The following TP53BP1 variants were observed in gnomAD, a reference collection of about 807,000 sequenced individuals.
TP53BP1 encodes TP53-binding protein 1.
A neutral mutation model predicts 200.8 loss-of-function variants in TP53BP1; 61 were observed. The ratio of observed to expected loss-of-function variants is 0.30; its 90% CI spans 0.25 to 0.38. The LOEUF (loss-of-function observed/expected upper bound fraction) is 0.38, where lower values mean the gene tolerates loss of function less well. TP53BP1 is among the 10% of genes least tolerant of loss of function. The probability of loss-of-function intolerance (pLI) is 1.00; values close to 1 mark genes in which losing one functional copy is unlikely to be tolerated. For synonymous variants in TP53BP1, 822 were observed against 844.3 expected (o/e 0.97, Z 0.46); for missense variants, 2,144 against 2,371.9 (o/e 0.90, Z 2.00).
At chr15:43,504,489 G>C (rs1428643889) in intron 1 of TP53BP1, among the ~76,000 whole-genome samples, 1 of 152,156 alleles carries the variant, frequency 6.6e-6, no homozygotes, top group East Asian at 1.9e-4. Context: ...TCACATAGTT[G>C]GTAAGTAAGA....
At chr15:43,477,092 A>C (rs1228830167) in intron 8 of TP53BP1, among the ~76,000 whole-genome samples, 1 of 152,156 alleles carries the variant, frequency 6.6e-6, no homozygotes, top group Non-Finnish European at 1.5e-5. Flanking sequence ...CAAGGTCAGG[A>C]GATCAAGACC....
intron 10 of TP53BP1, among the ~76,000 whole-genome samples, chr15:43,472,535 C>T (rs1160039393): frequency 1.3e-5 from 2 of 152,056 alleles, no homozygotes; most frequent in Admixed American, 6.6e-5. Flanking sequence ...ATCTCTAAGT[C>T]GTCAAAGGAG....
rs141911975 is a variant in TP53BP1, at chr15:43,479,250, C to T, written c.788+147G>A. The T allele has an allele frequency of 2.9e-4, 218 of 760,070 alleles. 4 individuals are homozygous for T. In the South Asian group the frequency reaches 3.3e-3, roughly 12 times the overall value. The allele number at this position is 760,070 out of a possible 1,614,324, so 47.1% of individuals were successfully genotyped here. A position where few individuals can be genotyped will look rare whatever the true frequency, so the allele number is the denominator to read the frequency against. Reference sequence around the variant, plus strand: ...TTCTTGAGACTTCATAAATAATCAACGTTTCCAATGGACCACAAGTATGCC... The same window carrying T: ...TTCTTGAGACTTCATAAATAATCAATGTTTCCAATGGACCACAAGTATGCC... On this transcript the variant is annotated intron_variant, in intron 7 of 27. Transcript: ENST00000382044.
In TP53BP1 at chr15:43,407,373, C is replaced by G; in HGVS notation, c.*10G>C. 1 of 1,613,046 alleles carries G rather than the reference C, an allele frequency of 6.2e-7. No individual in the cohort carries two copies. The highest frequency in any genetic ancestry group is 2.2e-5 in the East Asian group (1 of 44,868). On this transcript the variant is annotated 3_prime_UTR_variant, in exon 28 of 28. Transcript: ENST00000382044. ...ATAGCAGGGAATAAAACCAGTAAGA[C>G]CAAGTATCTTTAGTGAGAAACATAA...
At chr15:43,415,925 T>A (rs1376468559) in intron 22 of TP53BP1, 116 bp from the exon 23 acceptor site, 5 of 881,806 alleles carry the variant, frequency 5.7e-6, no homozygotes, top group South Asian at 1.7e-5. Context: ...CCACTTCCCA[T>A]GAGGCCAAGA....
chr15:43,487,349 C>G (rs900575622), intron 4 of TP53BP1, among the ~76,000 whole-genome samples: 1 of 152,026 alleles, frequency 6.6e-6, no homozygotes, highest in African/African-American at 2.4e-5. Context: ...TTAGATCACT[C>G]ATACATTGCT....
chr15:43,477,681 A>C lies in TP53BP1; in HGVS notation c.867T>G (p.Leu289=). 1 of 1,613,814 alleles carries C rather than the reference A, an allele frequency of 6.2e-7. No homozygotes were observed. The highest frequency in any genetic ancestry group is 8.5e-7 in the Non-Finnish European group (1 of 1,179,858). Residue 289 remains leucine (L), a synonymous_variant, in exon 8 of 28, where the codon CTT becomes CTG. Coordinates refer to ENST00000382044, the MANE Select transcript of TP53BP1 (RefSeq NM_001141980.3). ...EAKEQLSAQE[L]MESGLQIQKS... ...TCTGAATCTGCAGTCCACTTTCCATAAGTTCTTGTGCAGACAACTGTTCTT... is the reference window on the plus strand; with the variant it reads ...TCTGAATCTGCAGTCCACTTTCCATCAGTTCTTGTGCAGACAACTGTTCTT...
At position 43,406,900 on chromosome 15, in the gene TP53BP1, C is replaced by G. The variant is rs577478015; in HGVS notation, c.*483G>C. On this transcript the variant is annotated 3_prime_UTR_variant, in exon 28 of 28. Transcript: ENST00000382044. Reference sequence around the variant, plus strand: ...CCACAGGTGAGCTGTGATCTCAGCTCAGAGAGAGAGCATGAGGTCTTTTTT... The same window carrying G: ...CCACAGGTGAGCTGTGATCTCAGCTGAGAGAGAGAGCATGAGGTCTTTTTT... 2.7e-5 allele frequency: 7 copies of G among 259,208 alleles called. No homozygotes were observed. Among genetic ancestry groups the G allele is most frequent in the Admixed American group, 4.9e-5 (1 of 20,458 alleles). The allele number at this position is 259,208 out of a possible 1,614,324, so 16.1% of individuals were successfully genotyped here.
At chr15:43,438,562 T>C (rs1453179828) in intron 15 of TP53BP1, 146 bp from the exon 16 acceptor site, 6 of 598,462 alleles carry the variant, frequency 1.0e-5, no homozygotes, top group Non-Finnish European at 1.4e-5. Flanking sequence ...AAATTCTCCA[T>C]ACTTGTTTTG....
rs2046579259 is a variant in TP53BP1 at position 43,466,287 on chromosome 15, CA to C, written c.1389+3570del. On this transcript the variant is annotated intron_variant, in intron 11 of 27. Transcript: ENST00000382044. ...CAGGAGGGTCCAAAAGAGGTTTCTC[CA>C]AAAAGATGAAACAGAAAGTCTAAGG... 1.2e-4 allele frequency among the ~76,000 whole-genome samples: 18 copies of C among 152,118 alleles called. No homozygotes were observed. In the South Asian group the frequency reaches 3.7e-3, roughly 32 times the overall value.
intron 7 of TP53BP1, 25 bp downstream of exon 7, chr15:43,479,372 A>G (rs549832790): frequency 1.3e-6 from 2 of 1,577,840 alleles, no homozygotes; most frequent in East Asian, 4.5e-5. Context: ...AAACTCGTAA[A>G]TCCTTTTTAG....
rs542014806 is a variant in TP53BP1, at chr15:43,479,249, A to G, written c.788+148T>C. On this transcript the variant is annotated intron_variant, in intron 7 of 27. Transcript: ENST00000382044. Reference sequence around the variant, plus strand: ...ATTCTTGAGACTTCATAAATAATCAACGTTTCCAATGGACCACAAGTATGC... The same window carrying G: ...ATTCTTGAGACTTCATAAATAATCAGCGTTTCCAATGGACCACAAGTATGC... The G allele has an allele frequency of 1.7e-5, 13 of 754,282 alleles. No individual in the cohort carries two copies. The Admixed American group carries it at 1.8e-4, about 11-fold the overall frequency. 46.7% of individuals were successfully genotyped at this position (754,282 alleles called of 1,614,324 possible). A position where few individuals can be genotyped will look rare whatever the true frequency, so the allele number is the denominator to read the frequency against.
intron 4 of TP53BP1, among the ~76,000 whole-genome samples, chr15:43,481,353 C>CT (rs1311196119): frequency 2.0e-5 from 3 of 151,558 alleles, no homozygotes; most frequent in African/African-American, 7.3e-5. Flanking sequence ...GCTCAAAAAA[C>CT]TTTTTAAAAG....
intron 8 of TP53BP1, among the ~76,000 whole-genome samples, chr15:43,476,514 A>C (rs2078884656): frequency 6.6e-6 from 1 of 152,240 alleles, no homozygotes; most frequent in African/African-American, 2.4e-5. Flanking sequence ...AGGATTTATG[A>C]GCAGCCATTA....
rs2045046395 is a variant in TP53BP1 at position 43,409,661 on chromosome 15, A to C, written c.5386T>G (p.Phe1796Val). The part of the protein sequence containing the change: ...RAGAGYILED[F>V]NEAQCNTAYQ... Reference sequence around the variant, plus strand: ...AAACTCCTCACCTGGGCTTCATTGAAATCTTCAAGGATATAGCCAGCTCCT... The same window carrying C: ...AAACTCCTCACCTGGGCTTCATTGACATCTTCAAGGATATAGCCAGCTCCT... Residue 1796 changes from phenylalanine (F) to valine (V), a missense_variant, in exon 25 of 28, where the codon TTC becomes GTC. Transcript: ENST00000382044. 6.4e-7 allele frequency: 1 copy of C among 1,550,412 alleles called. No individual in the cohort carries two copies. The highest frequency in any genetic ancestry group is 8.7e-7 in the Non-Finnish European group (1 of 1,150,016).
chr15:43,473,404 C>T (rs2046775333), intron 10 of TP53BP1, among the ~76,000 whole-genome samples: 2 of 152,120 alleles, frequency 1.3e-5, no homozygotes, highest in Non-Finnish European at 2.9e-5. Flanking sequence ...AAAGGTTCTC[C>T]ACGTCCCCAC....
chr15:43,442,813 TTC>T (rs1166337949), intron 14 of TP53BP1, among the ~76,000 whole-genome samples: 1 of 141,214 alleles, frequency 7.1e-6, no homozygotes, highest in African/African-American at 2.8e-5. Context: ...AGCAGTAATA[TTC>T]TTTTTTTTTT....
At chr15:43,497,536 G>T, upstream of TP53BP1, 3 of 750,092 alleles carry the variant, frequency 4.0e-6, no homozygotes, top group Non-Finnish European at 4.9e-6. Context: ...CTGGAAGCCA[G>T]TACTATAGAA....
chr15:43,421,908 T>C lies in TP53BP1; in HGVS notation c.4047A>G (p.Thr1349=), dbSNP rs372394690. The C allele has an allele frequency of 1.2e-6, 2 of 1,614,122 alleles. No individual in the cohort carries two copies. Among genetic ancestry groups the C allele is most frequent in the African/African-American group, 1.3e-5 (1 of 74,944 alleles). ...AGPLRGKTSG[T]EPADFALPSS... ...TGGGTAAGGCAAAATCTGCGGGTTC[T>C]GTCCCGCTGGTTTTCCCTCTGAGTG... is the stretch of plus-strand genomic sequence containing the variant. Residue 1349 remains threonine (T), a synonymous_variant, in exon 19 of 28, where the codon ACA becomes ACG. Coordinates refer to ENST00000382044, the MANE Select transcript of TP53BP1 (RefSeq NM_001141980.3).
Sources: allele counts gnomAD v4.1 joint callset (sites outside exome capture counted in the v4.1 genomes callset), GRCh38; gene constraint gnomAD v4.1.1; transcripts MANE v1.5; gene names NCBI Gene and HGNC (gene_info 2026-07-23, HGNC 2026-07-21).